SLC16A7: variants seen among roughly 807,000 people sequenced by gnomAD.
SLC16A7 encodes monocarboxylate transporter 2.
In SLC16A7, 33 loss-of-function variants were observed where a neutral mutation model predicts 34.9. That is an observed-to-expected ratio of 0.94 (90% CI 0.72 to 1.26). SLC16A7 has a LOEUF of 1.26. Among genes scored for constraint, SLC16A7 ranks in the 50% most tolerant of loss-of-function variants. The probability of loss-of-function intolerance (pLI) is 0.00; values close to 1 mark genes in which losing one functional copy is unlikely to be tolerated. For synonymous variants in SLC16A7, 201 were observed against 206.6 expected (o/e 0.97, Z 0.23); for missense variants, 573 against 578.1 (o/e 0.99, Z 0.09).
At chr12:59,613,536 T>C (rs1392994952) in intron 1 of SLC16A7, among the ~76,000 whole-genome samples, 1 of 152,216 alleles carries the variant, frequency 6.6e-6, no homozygotes, top group Non-Finnish European at 1.5e-5. Context: ...TATTACAGTA[T>C]GAGTGGAACT....
At chr12:59,719,246 G>A (rs562263983) in intron 3 of SLC16A7, among the ~76,000 whole-genome samples, 75 of 152,206 alleles carry the variant, frequency 4.9e-4, no homozygotes, top group African/African-American at 1.7e-3. Context: ...GACAATACCT[G>A]TTCTAGTAAG....
intron 4 of SLC16A7, 23 bp from the exon 5 acceptor site, chr12:59,774,634 C>T (rs1882553361): frequency 2.1e-6 from 3 of 1,445,174 alleles, no homozygotes; most frequent in Non-Finnish European, 2.8e-6. Context: ...TGTTTTCCCC[C>T]ACTTTTGTTT....
intron 4 of SLC16A7, among the ~76,000 whole-genome samples, chr12:59,773,953 T>C (rs1327313475): frequency 1.3e-5 from 2 of 152,200 alleles, no homozygotes; most frequent in Non-Finnish European, 2.9e-5. Flanking sequence ...TTTCCAAAGG[T>C]GATACTCAAC....
chr12:59,644,158 G>T (rs1473049546), intron 1 of SLC16A7, among the ~76,000 whole-genome samples: 2 of 145,072 alleles, frequency 1.4e-5, no homozygotes, highest in Non-Finnish European at 3.0e-5. Context: ...AGTAAAGGTG[G>T]GTGGTCAAAA....
At chr12:59,755,139 G>A (rs1880147099) in intron 3 of SLC16A7, among the ~76,000 whole-genome samples, 1 of 152,118 alleles carries the variant, frequency 6.6e-6, no homozygotes, top group Admixed American at 6.5e-5. Flanking sequence ...CAAACCCACA[G>A]CCAATATCAT....
In SLC16A7 at chr12:59,704,823, C is replaced by G; in HGVS notation, c.22C>G (p.Pro8Ala). The G allele has an allele frequency of 6.2e-7, 1 of 1,613,496 alleles. No individual in the cohort carries two copies. Among genetic ancestry groups the G allele is most frequent in the South Asian group, 1.1e-5 (1 of 91,030 alleles). Residue 8 changes from proline to alanine, a missense_variant, in exon 3 of 6, where the codon CCA (proline) becomes GCA (alanine). Physicochemically the swap from Pro to Ala is conservative, Grantham distance 27 (BLOSUM62 -1). Transcript: ENST00000547379. ...AGAAATGCCACCAATGCCAAGTGCC[C>G]CACCTGTGCATCCACCTCCAGATGG... is the stretch of plus-strand genomic sequence containing the variant. MPPMPSAPPVHPPPDGGW... is the reference protein window; with the variant it reads MPPMPSAAPVHPPPDGGW...
intron 1 of SLC16A7, among the ~76,000 whole-genome samples, chr12:59,599,981 C>T (rs926337285): frequency 5.9e-5 from 9 of 152,116 alleles, no homozygotes; most frequent in Admixed American, 3.3e-4. Context: ...ACAGGGCAGA[C>T]GAGGGGCTCT....
intron 2 of SLC16A7, among the ~76,000 whole-genome samples, chr12:59,693,865 A>G (rs550487209): frequency 6.6e-6 from 1 of 151,776 alleles, no homozygotes; most frequent in Non-Finnish European, 1.5e-5. Context: ...GCCCTAATGA[A>G]AAAAAATACT....
intron 5 of SLC16A7, among the ~76,000 whole-genome samples, chr12:59,779,191 G>A (rs1883041181): frequency 6.6e-6 from 1 of 151,878 alleles, no homozygotes; most frequent in East Asian, 1.9e-4. Flanking sequence ...ATTTTACTGA[G>A]AGAAATAATT....
chr12:59,621,521 C>T (rs1406597545), intron 1 of SLC16A7, among the ~76,000 whole-genome samples: 1 of 151,780 alleles, frequency 6.6e-6, no homozygotes, highest in African/African-American at 2.4e-5. Context: ...CTCTGTGCAC[C>T]ATTTAATGCC....
Position 59,782,723 on chromosome 12 carries a change from T to A in SLC16A7, c.*3044T>A, listed in dbSNP as rs1194515191. On this transcript the variant is annotated 3_prime_UTR_variant, in exon 6 of 6. Transcript: ENST00000547379. ...CTAATTTATGAATAGAACATTGTGTTTGCACTTTTCCTGACCTATCCTCAC... is the reference window on the plus strand; with the variant it reads ...CTAATTTATGAATAGAACATTGTGTATGCACTTTTCCTGACCTATCCTCAC... 1 of 152,182 alleles carries A rather than the reference T, an allele frequency of 6.6e-6. No homozygotes were observed. Among genetic ancestry groups the A allele is most frequent in the East Asian group, 1.9e-4 (1 of 5,196 alleles). 9.4% of individuals were successfully genotyped at this position (152,182 alleles called of 1,614,324 possible). A position where few individuals can be genotyped will look rare whatever the true frequency, so the allele number is the denominator to read the frequency against.
intron 1 of SLC16A7, among the ~76,000 whole-genome samples, chr12:59,651,991 G>C (rs796235427): frequency 3.3e-5 from 5 of 151,774 alleles, no homozygotes; most frequent in African/African-American, 1.2e-4. Context: ...TTTTTTTTCA[G>C]CCCTAATGAG....
chr12:59,701,596 T>C (rs550167872), intron 2 of SLC16A7, among the ~76,000 whole-genome samples: 2 of 151,722 alleles, frequency 1.3e-5, no homozygotes, highest in African/African-American at 4.8e-5. Flanking sequence ...AAGGGGGGCA[T>C]ATTTAAATGC....
At chr12:59,759,622 C>T (rs1880790129) in intron 3 of SLC16A7, among the ~76,000 whole-genome samples, 1 of 151,852 alleles carries the variant, frequency 6.6e-6, no homozygotes, top group Non-Finnish European at 1.5e-5. Context: ...AAATAGACAT[C>T]TTTCTTGTGA....
chr12:59,744,602 C>T (rs1276614994), intron 3 of SLC16A7, among the ~76,000 whole-genome samples: 4 of 152,200 alleles, frequency 2.6e-5, no homozygotes, highest in South Asian at 2.1e-4. Context: ...TAAAGGCTAT[C>T]ACACTGACCC....
At chr12:59,750,149 G>C (rs980974689) in intron 3 of SLC16A7, among the ~76,000 whole-genome samples, 2 of 152,060 alleles carry the variant, frequency 1.3e-5, no homozygotes, top group African/African-American at 2.4e-5. Context: ...CAAGACATAG[G>C]CATAGGCAAA....
chr12:59,761,478 C>A (rs1881009839), intron 3 of SLC16A7, among the ~76,000 whole-genome samples: 1 of 152,098 alleles, frequency 6.6e-6, no homozygotes, highest in Non-Finnish European at 1.5e-5. Flanking sequence ...TTGTTTACAT[C>A]TGAATCTATT....
chr12:59,647,696 T>C (rs10877324), intron 1 of SLC16A7, among the ~76,000 whole-genome samples: 34,373 of 151,880 alleles, frequency 0.23, 4,618 homozygotes, highest in East Asian at 0.66. Flanking sequence ...GCACAGGTAA[T>C]CAAGATGTTG....
rs10688263 is a variant in SLC16A7, at chr12:59,781,284, C to CATT, written c.*1607_*1608insTAT. 0.17 allele frequency: 25,691 copies of CATT among 152,336 alleles called. 3,425 individuals carry two copies. The highest frequency in any genetic ancestry group is 0.37 in the African/African-American group (15,479 of 41,320). 9.4% of individuals were successfully genotyped at this position (152,336 alleles called of 1,614,324 possible). On this transcript the variant is annotated 3_prime_UTR_variant, in exon 6 of 6. Coordinates refer to ENST00000547379, the MANE Select transcript of SLC16A7 (RefSeq NM_001270623.2). ...TTATATCTATAAATCTGAAGTTTAACATGATTAATTTAAAAAGTATTTAGT... is the reference window on the plus strand; with the variant it reads ...TTATATCTATAAATCTGAAGTTTAACATTATGATTAATTTAAAAAGTATTTAGT...
Sources: allele counts gnomAD v4.1 joint callset (sites outside exome capture counted in the v4.1 genomes callset), GRCh38; gene constraint gnomAD v4.1.1; transcripts MANE v1.5; gene names NCBI Gene and HGNC (gene_info 2026-07-23, HGNC 2026-07-21).